NOX4: variants seen among roughly 807,000 people sequenced by gnomAD.
The protein encoded by NOX4 is kidney oxidase-1.
A neutral mutation model predicts 87.6 loss-of-function variants in NOX4; 69 were observed. That is an observed-to-expected ratio of 0.79 (90% CI 0.65 to 0.96). NOX4 has a LOEUF of 0.96. Ranked by LOEUF, NOX4 falls within the 40% of genes least tolerant of loss-of-function variation. The pLI is 0.00. For missense variants in NOX4, 680 were observed against 681.5 expected, an observed-to-expected ratio of 1.00 and a Z score of 0.02; for synonymous variants, 275 against 238.2, an observed-to-expected ratio of 1.15 and a Z score of -1.42.
chr11:89,567,162 C>G, the NOX4 span, among the ~76,000 whole-genome samples: 1 of 152,170 alleles, frequency 6.6e-6, no homozygotes, highest in African/African-American at 2.4e-5. Context: ...GCTGGTCCTT[C>G]TCTGGGGCAC....
chr11:89,383,356 T>C (rs976413532), intron 11 of NOX4, among the ~76,000 whole-genome samples: 26 of 152,298 alleles, frequency 1.7e-4, no homozygotes, highest in African/African-American at 6.0e-4. Context: ...GAAATCAAAC[T>C]GTCCAACTTG....
At chr11:89,378,796 A>T (rs1184479132) in intron 11 of NOX4, among the ~76,000 whole-genome samples, 1 of 152,180 alleles carries the variant, frequency 6.6e-6, no homozygotes, top group Admixed American at 6.5e-5. Context: ...TCCAGAGACT[A>T]TTATGCTAGG....
intron 13 of NOX4, among the ~76,000 whole-genome samples, chr11:89,353,175 T>C (rs1937694534): frequency 1.3e-5 from 2 of 152,216 alleles, no homozygotes; most frequent in African/African-American, 2.4e-5. Context: ...ATTTACTTGA[T>C]AAAGCAACAG....
At chr11:89,465,160 C>T (rs1277016552) in intron 2 of NOX4, among the ~76,000 whole-genome samples, 6 of 151,986 alleles carry the variant, frequency 3.9e-5, no homozygotes, top group Non-Finnish European at 7.4e-5. Context: ...ACCCAACAAG[C>T]CCCAGTTTGT....
chr11:89,422,658 G>T (rs1943142442), intron 7 of NOX4, among the ~76,000 whole-genome samples: 1 of 152,204 alleles, frequency 6.6e-6, no homozygotes, highest in Non-Finnish European at 1.5e-5. Context: ...CTTCCTAGAT[G>T]AATCTGATGC....
intron 2 of NOX4, among the ~76,000 whole-genome samples, chr11:89,461,275 T>G (rs1945449589): frequency 6.6e-6 from 1 of 151,980 alleles, no homozygotes. Flanking sequence ...AACCTGCACG[T>G]TGTGTACATG....
intron 13 of NOX4, among the ~76,000 whole-genome samples, chr11:89,352,098 G>A (rs1946481568): frequency 6.6e-6 from 1 of 152,152 alleles, no homozygotes; most frequent in Non-Finnish European, 1.5e-5. Flanking sequence ...AGACAGTGGA[G>A]ACTTGAAAGG....
At chr11:89,386,555 C>A (rs1261348124) in intron 11 of NOX4, among the ~76,000 whole-genome samples, 2 of 152,050 alleles carry the variant, frequency 1.3e-5, no homozygotes, top group African/African-American at 2.4e-5. Context: ...CCCAACTATC[C>A]CCACCACACC....
chr11:89,546,328 T>C, the NOX4 span, among the ~76,000 whole-genome samples: 1 of 152,188 alleles, frequency 6.6e-6, no homozygotes, highest in Non-Finnish European at 1.5e-5. Flanking sequence ...TTTCAGCCTC[T>C]TAGAGGAGGA....
chr11:89,404,891 GT>G (rs1323230595), intron 8 of NOX4, among the ~76,000 whole-genome samples: 1 of 152,004 alleles, frequency 6.6e-6, no homozygotes, highest in Non-Finnish European at 1.5e-5. Flanking sequence ...CAAGGTAAGT[GT>G]TTTTATTTAT....
At chr11:89,409,589 A>G (rs1447787391) in intron 8 of NOX4, among the ~76,000 whole-genome samples, 1 of 151,776 alleles carries the variant, frequency 6.6e-6, no homozygotes, top group Non-Finnish European at 1.5e-5. Flanking sequence ...ACAGCATAAA[A>G]TATCAACAAA....
intron 12 of NOX4, among the ~76,000 whole-genome samples, chr11:89,358,386 C>CAAAAAAAAAAAAAA (rs10558391): frequency 1.1e-3 from 89 of 77,996 alleles, no homozygotes; most frequent in Middle Eastern, 9.6e-3. Context: ...AACTTAATCT[C>CAAAAAAAAAAAAAA]AAAAAAAAAA....
chr11:89,426,566 G>T (rs1188170788), intron 7 of NOX4, among the ~76,000 whole-genome samples: 3 of 152,162 alleles, frequency 2.0e-5, no homozygotes, highest in Non-Finnish European at 4.4e-5. Flanking sequence ...CGGCACACCA[G>T]GAGATTATAT....
At chr11:89,513,301 C>T in the NOX4 span, among the ~76,000 whole-genome samples, 1 of 150,276 alleles carries the variant, frequency 6.7e-6, no homozygotes, top group Non-Finnish European at 1.5e-5. Flanking sequence ...GCCTGGGCAA[C>T]AAGAATGAAA....
At chr11:89,366,134 A>G (rs1938963882) in intron 12 of NOX4, among the ~76,000 whole-genome samples, 1 of 152,128 alleles carries the variant, frequency 6.6e-6, no homozygotes, top group East Asian at 1.9e-4. Context: ...GCCATTCAGT[A>G]CATTATGTGG....
At position 89,326,606 on chromosome 11, in the gene NOX4, C is replaced by A; in HGVS notation, c.*150G>T. On this transcript the variant is annotated 3_prime_UTR_variant, in exon 18 of 18. Coordinates refer to ENST00000263317, the MANE Select transcript of NOX4 (RefSeq NM_016931.5). ...AACATGTAATGTGACGGTCATCTTG[C>A]CACATTCTCACATTTCCATTTTAAA... 1.7e-6 allele frequency: 1 copy of A among 582,788 alleles called. No individual in the cohort carries two copies. The highest frequency in any genetic ancestry group is 2.8e-6 in the Non-Finnish European group (1 of 353,450). 36.1% of individuals were successfully genotyped at this position (582,788 alleles called of 1,614,324 possible).
chr11:89,407,037 G>A (rs1942225237), intron 8 of NOX4, among the ~76,000 whole-genome samples: 1 of 151,918 alleles, frequency 6.6e-6, no homozygotes, highest in South Asian at 2.1e-4. Flanking sequence ...AAGTAGAAGG[G>A]ATCATGTCTT....
At chr11:89,507,979 TG>T in the NOX4 span, among the ~76,000 whole-genome samples, 1 of 152,036 alleles carries the variant, frequency 6.6e-6, no homozygotes, top group Non-Finnish European at 1.5e-5. Flanking sequence ...AAGTTATATT[TG>T]CCCTCATAGT....
intron 11 of NOX4, among the ~76,000 whole-genome samples, chr11:89,383,022 C>T (rs956067759): frequency 6.6e-6 from 1 of 152,036 alleles, no homozygotes; most frequent in African/African-American, 2.4e-5. Context: ...TTTTATCACC[C>T]AGTCAGCTCC....
Sources: gnomAD v4.1 joint callset for allele counts (sites outside exome capture counted in the v4.1 genomes callset) on GRCh38, gnomAD v4.1.1 for gene constraint, MANE v1.5 for transcripts, NCBI Gene and HGNC (gene_info 2026-07-23, HGNC 2026-07-21) for gene names.